CACNA1C: variants seen among roughly 807,000 people sequenced by gnomAD.
The protein encoded by CACNA1C is voltage-dependent L-type calcium channel subunit alpha-1C.
Under a neutral mutation model 229.0 loss-of-function variants are expected in CACNA1C, and 30 were observed. That is an observed-to-expected ratio of 0.13 (90% CI 0.10 to 0.18). CACNA1C has a LOEUF of 0.18. CACNA1C is among the 10% of genes least tolerant of loss of function. The probability of loss-of-function intolerance (pLI) is 1.00; values close to 1 mark genes in which losing one functional copy is unlikely to be tolerated. For synonymous variants in CACNA1C, 1,114 were observed against 1,132.5 expected (o/e 0.98, Z 0.33); for missense variants, 1,658 against 2,845.0 (o/e 0.58, Z 9.49).
At chr12:1,995,904 C>T (rs1251489885) in intron 1 of CACNA1C, among the ~76,000 whole-genome samples, 1 of 152,200 alleles carries the variant, frequency 6.6e-6, no homozygotes, top group Non-Finnish European at 1.5e-5. Flanking sequence ...GGGCTGGCCA[C>T]CTCCACCCAA....
chr12:2,072,870 G>C (rs1033071591), intron 1 of CACNA1C, among the ~76,000 whole-genome samples: 20 of 152,234 alleles, frequency 1.3e-4, no homozygotes, highest in South Asian at 4.2e-4. Context: ...CTGTGAGCTT[G>C]GCACTGTAAT....
intron 13 of CACNA1C, among the ~76,000 whole-genome samples, chr12:2,573,897 A>G (rs1321015383): frequency 6.6e-6 from 1 of 152,270 alleles, no homozygotes; most frequent in African/African-American, 2.4e-5. Flanking sequence ...TGAAGGGAGC[A>G]GATGTCTTTG....
At chr12:2,074,072 T>A (rs771765007) in intron 1 of CACNA1C, among the ~76,000 whole-genome samples, 2 of 152,210 alleles carry the variant, frequency 1.3e-5, no homozygotes, top group Non-Finnish European at 2.9e-5. Flanking sequence ...AGGTTGTATT[T>A]TATACAGCAA....
rs2069958588 is a variant in CACNA1C at position 2,241,183 on chromosome 12, C to A, written c.477+120753C>A. The stretch of plus-strand genomic sequence containing the variant: ...TCCATCCTCCCACGCATGGAGAAGA[C>A]CAGCATTGACTGCAGCCCCGCTATG... On this transcript the variant is annotated intron_variant, in intron 3 of 46. Transcript: ENST00000399655. Among the ~76,000 whole-genome samples the A allele has an allele frequency of 2.6e-5, 4 of 152,188 alleles. No individual in the cohort carries two copies. The South Asian group carries it at 8.3e-4, about 32-fold the overall frequency.
At chr12:2,220,553 C>T (rs940512364) in intron 3 of CACNA1C, 1 of 152,122 alleles carries the variant, frequency 6.6e-6, no homozygotes, top group African/African-American at 2.4e-5. Flanking sequence ...CTAGATCAGT[C>T]TGATGTAGGA....
chr12:2,116,240 T>C (rs2083790173), intron 2 of CACNA1C, among the ~76,000 whole-genome samples: 4 of 152,214 alleles, frequency 2.6e-5, no homozygotes, highest in Non-Finnish European at 4.4e-5. Flanking sequence ...TCTGGAAGTG[T>C]TCTGTTTGTC....
intron 1 of CACNA1C, among the ~76,000 whole-genome samples, chr12:1,994,394 C>T (rs1018872966): frequency 1.3e-5 from 2 of 152,244 alleles, no homozygotes; most frequent in African/African-American, 4.8e-5. Context: ...TCAAGGAACA[C>T]AGCTACATAA....
chr12:2,013,759 A>G (rs2044838415), intron 1 of CACNA1C, among the ~76,000 whole-genome samples: 1 of 152,248 alleles, frequency 6.6e-6, no homozygotes, highest in Non-Finnish European at 1.5e-5. Context: ...GAAATTACGT[A>G]GAATCCAGAC....
At position 2,203,794 on chromosome 12, in the gene CACNA1C, G is replaced by A. The variant is rs182654853; in HGVS notation, c.477+83364G>A. ...TTGGTCCTGGGTTGCATGCATTTGG[G>A]ATATGTTTTCACACCAGAGAGCTTG... On this transcript the variant is annotated intron_variant, in intron 3 of 46. Coordinates refer to ENST00000399655, the MANE Select transcript of CACNA1C (RefSeq NM_000719.7). Among the ~76,000 whole-genome samples the A allele has an allele frequency of 2.6e-4, 39 of 152,254 alleles. No homozygotes were observed. The South Asian group carries it at 6.6e-3, about 26-fold the overall frequency.
At chr12:2,277,450 ACTTCT>A (rs1346140388) in intron 3 of CACNA1C, among the ~76,000 whole-genome samples, 1 of 146,676 alleles carries the variant, frequency 6.8e-6, no homozygotes, top group Non-Finnish European at 1.5e-5. Context: ...AGGGAAGAGG[ACTTCT>A]CTTCTTGATT....
chr12:2,279,261 C>T (rs984123940), intron 3 of CACNA1C, among the ~76,000 whole-genome samples: 6 of 152,094 alleles, frequency 3.9e-5, no homozygotes, highest in Non-Finnish European at 8.8e-5. Flanking sequence ...ACCATCTGTT[C>T]AGTTCCATTG....
Position 2,486,751 on chromosome 12 carries a change from C to T in CACNA1C, c.916+489C>T, listed in dbSNP as rs1809638122. Among the ~76,000 whole-genome samples the T allele has an allele frequency of 6.6e-6, 1 of 152,190 alleles. No homozygotes were observed. On this transcript the variant is annotated intron_variant, in intron 6 of 46. Transcript: ENST00000399655. The surrounding 1 kb of genome is among the most constrained non-coding windows in gnomAD (Gnocchi z 4.9). The stretch of plus-strand genomic sequence containing the variant: ...CTTCATGGTGCTGATTCCAGATCCT[C>T]TGTAATTATTGTTTCTGCTTCTCCA...
rs1441019227 is a variant in CACNA1C at position 2,497,975 on chromosome 12, A to T, written c.1113+4589A>T. Among the ~76,000 whole-genome samples, 3 of 150,362 alleles carry T rather than the reference A, an allele frequency of 2.0e-5. No individual in the cohort carries two copies. The South Asian group carries it at 6.3e-4, about 32-fold the overall frequency. Reference sequence around the variant, plus strand: ...GAAGGTATTTCTATTAAATTCACACACACACACACACACACACACACACAC... The same window carrying T: ...GAAGGTATTTCTATTAAATTCACACTCACACACACACACACACACACACAC... On this transcript the variant is annotated intron_variant, in intron 7 of 46. Transcript: ENST00000399655.
At chr12:2,281,084 G>T (rs2091081238) in intron 3 of CACNA1C, among the ~76,000 whole-genome samples, 1 of 151,670 alleles carries the variant, frequency 6.6e-6, no homozygotes, top group Admixed American at 6.6e-5. Flanking sequence ...TTAACATGAG[G>T]TATATCTCCA....
intron 13 of CACNA1C, among the ~76,000 whole-genome samples, chr12:2,577,869 TC>T (rs2058997811): frequency 7.8e-6 from 1 of 127,746 alleles, no homozygotes; most frequent in South Asian, 2.9e-4. Flanking sequence ...AAGTAATTAT[TC>T]TTTTTTTTTT....
chr12:2,454,323 C>T (rs1048074780), intron 4 of CACNA1C, among the ~76,000 whole-genome samples: 4 of 152,160 alleles, frequency 2.6e-5, no homozygotes, highest in African/African-American at 9.7e-5. Flanking sequence ...TCCCTGTCAC[C>T]ACTGATTAAC....
chr12:2,052,585 G>A (rs2052530042), upstream of CACNA1C, among the ~76,000 whole-genome samples: 1 of 145,524 alleles, frequency 6.9e-6, no homozygotes, highest in African/African-American at 2.5e-5. Context: ...CGACGCCGCC[G>A]GCGGGGCGCG....
chr12:2,183,064 G>T (rs2096888786), intron 3 of CACNA1C, among the ~76,000 whole-genome samples: 1 of 151,748 alleles, frequency 6.6e-6, no homozygotes, highest in Non-Finnish European at 1.5e-5. Flanking sequence ...ATAGAAATGG[G>T]GTCTCACTAT....
In CACNA1C at chr12:2,403,355, C is replaced by T. The variant is rs1031409848; in HGVS notation, c.478-45621C>T. ...TGACTTCCCCTCTTGTGTCAAGGTG[C>T]GCTGCAGAGGGATGGCGTTGGAGGC... On this transcript the variant is annotated intron_variant, in intron 3 of 46. Transcript: ENST00000399655. The surrounding 1 kb of genome is among the most constrained non-coding windows in gnomAD (Gnocchi z 4.1). Among the ~76,000 whole-genome samples, 3 of 152,166 alleles carry T rather than the reference C, an allele frequency of 2.0e-5. No homozygotes were observed. Among genetic ancestry groups the T allele is most frequent in the South Asian group, 2.1e-4 (1 of 4,812 alleles).
Sources: gnomAD v4.1 joint callset for allele counts (sites outside exome capture counted in the v4.1 genomes callset) on GRCh38, gnomAD v4.1.1 for gene constraint, Gnocchi (gnomAD v3.1) non-coding constraint, MANE v1.5 for transcripts, NCBI Gene and HGNC (gene_info 2026-07-23, HGNC 2026-07-21) for gene names.